Variants in RALGPS1 observed in about 807,000 individuals in gnomAD.
The protein encoded by RALGPS1 is Ral GEF with PH domain and SH3 binding motif 1.
In RALGPS1, 19 loss-of-function variants were observed where a neutral mutation model predicts 78.8. The observed-to-expected ratio is 0.24, with a 90% CI of 0.17 to 0.35. The LOEUF (loss-of-function observed/expected upper bound fraction) is 0.35. Among genes scored for constraint, RALGPS1 ranks in the 10% least tolerant of loss-of-function variants. RALGPS1 has a pLI of 1.00. For missense variants in RALGPS1, 454 were observed against 688.3 expected, an observed-to-expected ratio of 0.66 and a Z score of 3.81; for synonymous variants, 228 against 256.3, an observed-to-expected ratio of 0.89 and a Z score of 1.06.
chr9:127,178,142 G>T, intron 11 of RALGPS1: 2 of 752,666 alleles, frequency 2.7e-6, no homozygotes, highest in Non-Finnish European at 2.0e-6. Flanking sequence ...GGCTGTGCAG[G>T]GTCTGTGGGC....
intron 3 of RALGPS1, among the ~76,000 whole-genome samples, chr9:126,966,607 A>G (rs2039524606): frequency 6.6e-6 from 1 of 151,284 alleles, no homozygotes; most frequent in Non-Finnish European, 1.5e-5. Flanking sequence ...TTGTTTACAT[A>G]TTCATAAATG....
chr9:127,163,908 CCT>C lies in RALGPS1; in HGVS notation c.611-2160_611-2159del, dbSNP rs1412832570. The stretch of plus-strand genomic sequence containing the variant: ...AAATTTTTAAGGCTATAAATTTCCC[CCT>C]GATTACCATTTTGGTCAGAACCCAT... On this transcript the variant is annotated intron_variant, in intron 8 of 18. Transcript: ENST00000259351. Among the ~76,000 whole-genome samples the C allele has an allele frequency of 3.3e-5, 5 of 152,224 alleles. No homozygotes were observed. The East Asian group carries it at 5.8e-4, about 18-fold the overall frequency.
intron 1 of RALGPS1, among the ~76,000 whole-genome samples, chr9:126,949,852 C>A (rs529800627): frequency 0.012 from 1,887 of 152,060 alleles, 42 homozygotes; most frequent in African/African-American, 0.044. Context: ...CTTTTGTTGC[C>A]ATTGCTTTTG....
chr9:127,147,689 GGT>G (rs1296991484), intron 8 of RALGPS1, among the ~76,000 whole-genome samples: 1 of 152,112 alleles, frequency 6.6e-6, no homozygotes, highest in African/African-American at 2.4e-5. Flanking sequence ...GATGGTTGTA[GGT>G]GTGCAGCTTT....
chr9:126,956,122 A>G (rs1205582955), intron 1 of RALGPS1, among the ~76,000 whole-genome samples: 1 of 152,056 alleles, frequency 6.6e-6, no homozygotes, highest in African/African-American at 2.4e-5. Flanking sequence ...ACCAGCAGAG[A>G]CTTAATATCT....
chr9:127,116,878 T>A (rs2137489731), intron 8 of RALGPS1, among the ~76,000 whole-genome samples: 1 of 152,208 alleles, frequency 6.6e-6, no homozygotes, highest in East Asian at 1.9e-4. Context: ...AGGGGCACAG[T>A]GCTACCAAGT....
At chr9:127,189,829 A>C (rs1390974680) in intron 11 of RALGPS1, among the ~76,000 whole-genome samples, 1 of 152,194 alleles carries the variant, frequency 6.6e-6, no homozygotes, top group Non-Finnish European at 1.5e-5. Context: ...CAGGGAGCCT[A>C]CTGACCTAGC....
chr9:127,137,494 C>G (rs752450340), intron 8 of RALGPS1, among the ~76,000 whole-genome samples: 3 of 152,230 alleles, frequency 2.0e-5, no homozygotes, highest in Non-Finnish European at 2.9e-5. Flanking sequence ...GATTTGCAGG[C>G]AGCAGGCCGC....
chr9:127,178,454 C>A (rs1262223367), intron 11 of RALGPS1: 3 of 1,014,348 alleles, frequency 3.0e-6, no homozygotes, highest in Admixed American at 5.1e-5. Flanking sequence ...TAGCACAGTG[C>A]GCAACATAGA....
intron 8 of RALGPS1, 144 bp from the exon 9 acceptor site, chr9:127,165,925 A>C: frequency 7.9e-7 from 1 of 1,259,704 alleles, no homozygotes; most frequent in South Asian, 1.9e-5. Flanking sequence ...ATTAGTAATC[A>C]GGATTGGAAT....
chr9:127,111,175 G>T (rs2054773837), intron 8 of RALGPS1, among the ~76,000 whole-genome samples: 1 of 152,076 alleles, frequency 6.6e-6, no homozygotes, highest in Admixed American at 6.5e-5. Flanking sequence ...TAGGACTCAG[G>T]GCCTTTATAC....
rs2184057 is a variant in RALGPS1 at position 127,210,623 on chromosome 9, G to T, written c.1248-1508G>T. The T allele has an allele frequency of 0.016, 18,702 of 1,148,734 alleles. 1,976 individuals carry two copies. In the African/African-American group the frequency reaches 0.24, roughly 15 times the overall value. 71.2% of individuals were successfully genotyped at this position (1,148,734 alleles called of 1,614,324 possible). ...TGAGCTAATTGACTATGTTGTCGGG[G>T]TGCTCTTGCCTCCTTCAGGAGCATC... On this transcript the variant is annotated intron_variant, in intron 14 of 18. Coordinates refer to ENST00000259351, the MANE Select transcript of RALGPS1 (RefSeq NM_014636.3).
chr9:127,217,010 C>A, intron 18 of RALGPS1: 3 of 1,524,222 alleles, frequency 2.0e-6, no homozygotes, highest in Admixed American at 2.2e-5. Flanking sequence ...GAAGCCTGGG[C>A]ACCATGGTGG....
At chr9:127,016,058 A>AT (rs564604454) in intron 4 of RALGPS1, among the ~76,000 whole-genome samples, 1 of 131,620 alleles carries the variant, frequency 7.6e-6, no homozygotes, top group Non-Finnish European at 1.6e-5. Context: ...TTCCATTTGC[A>AT]TTTTTTTCTG....
At chr9:127,089,028 C>T in intron 8 of RALGPS1, 1 of 1,614,220 alleles carries the variant, frequency 6.2e-7, no homozygotes, top group Non-Finnish European at 8.5e-7. Context: ...CAGTAGACTC[C>T]GTCCTGGTAG....
At position 127,050,077 on chromosome 9, in the gene RALGPS1, C is replaced by G; in HGVS notation, c.335C>G (p.Ala112Gly). Reference sequence around the variant, plus strand: ...TGGGTTGTACGAGAAATTCTAACAGCACAGACTTTAAAAATAAGGGCAGAA... The same window carrying G: ...TGGGTTGTACGAGAAATTCTAACAGGACAGACTTTAAAAATAAGGGCAGAA... ...SFWVVREILT[A>G]QTLKIRAEIL... is the part of the protein sequence containing the mutation. Residue 112 changes from alanine (A) to glycine (G), a missense_variant, in exon 6 of 19, where the codon GCA (alanine) becomes GGA (glycine). Ala to Gly is a moderately conservative substitution (Grantham distance 60, BLOSUM62 0). Transcript: ENST00000259351. 7 of 1,614,002 alleles carry G rather than the reference C, an allele frequency of 4.3e-6. No homozygotes were observed. The highest frequency in any genetic ancestry group is 5.9e-6 in the Non-Finnish European group (7 of 1,179,846).
chr9:127,017,619 AC>A (rs1445144012), intron 4 of RALGPS1, among the ~76,000 whole-genome samples: 1 of 152,220 alleles, frequency 6.6e-6, no homozygotes, highest in African/African-American at 2.4e-5. Context: ...TAACTTTTTT[AC>A]TTTACAAACT....
intron 18 of RALGPS1, chr9:127,216,911 C>T (rs770974658): frequency 2.6e-6 from 4 of 1,543,710 alleles, no homozygotes; most frequent in East Asian, 2.5e-5. Context: ...CACAGGAAGC[C>T]GGAGCAGCTC....
intron 11 of RALGPS1, among the ~76,000 whole-genome samples, chr9:127,191,050 T>A (rs1004644114): frequency 1.3e-5 from 2 of 152,244 alleles, no homozygotes; most frequent in Non-Finnish European, 2.9e-5. Flanking sequence ...TGAATTTGCC[T>A]TTCATATCTT....
Sources: gnomAD v4.1 joint callset for allele counts (sites outside exome capture counted in the v4.1 genomes callset) on GRCh38, gnomAD v4.1.1 for gene constraint, MANE v1.5 for transcripts, NCBI Gene and HGNC (gene_info 2026-07-23, HGNC 2026-07-21) for gene names.